The following OPA1 variants were observed in gnomAD, a reference collection of about 807,000 sequenced individuals.
OPA1 encodes the protein OPA1 mitochondrial dynamin like GTPase, also known as dynamin-like GTPase OPA1, mitochondrial.
Under a neutral mutation model 152.9 loss-of-function variants are expected in OPA1, and 59 were observed. The ratio of observed to expected loss-of-function variants is 0.39; its 90% CI spans 0.31 to 0.48. The LOEUF is 0.48. Ranked by LOEUF, OPA1 falls within the 20% of genes least tolerant of loss-of-function variation. The pLI, the probability that OPA1 is intolerant of heterozygous loss-of-function variation, is 0.96. For synonymous variants in OPA1, 400 were observed against 389.9 expected (o/e 1.03, Z -0.31); for missense variants, 1,008 against 1,216.8 (o/e 0.83, Z 2.55).
Position 193,631,606 on chromosome 3 carries a change from A to G in OPA1, c.790-6A>G. ...CTATTCAACTAAAATTATTTTAAACATTTAGGTGTCAGACAAAGAGAAAAT... is the reference window on the plus strand; with the variant it reads ...CTATTCAACTAAAATTATTTTAAACGTTTAGGTGTCAGACAAAGAGAAAAT... On this transcript the variant is annotated splice_polypyrimidine_tract_variant and splice_region_variant and intron_variant, in intron 7 of 30. Coordinates refer to ENST00000361510, the MANE Select transcript of OPA1 (RefSeq NM_130837.3). 6.2e-7 allele frequency: 1 copy of G among 1,602,442 alleles called. No individual in the cohort carries two copies. Among genetic ancestry groups the G allele is most frequent in the Non-Finnish European group, 8.5e-7 (1 of 1,169,618 alleles).
chr3:193,605,874 C>G (rs1370650142), intron 1 of OPA1, among the ~76,000 whole-genome samples: 2 of 152,156 alleles, frequency 1.3e-5, no homozygotes, highest in Non-Finnish European at 2.9e-5. Context: ...GACCTTTTTA[C>G]TCTAAGGGAT....
chr3:193,617,833 G>T lies in OPA1; in HGVS notation c.606G>T (p.Leu202Phe), dbSNP rs1179746742. The T allele has an allele frequency of 1.2e-6, 2 of 1,610,660 alleles. No homozygotes were observed. The highest frequency in any genetic ancestry group is 2.2e-5 in the South Asian group (2 of 90,994). The stretch of plus-strand genomic sequence containing the variant: ...TAGGAGCTTCTGACCTACTTCTCTT[G>T]TTAGGTGTGTAAACAGACATTTTTG... Reference protein sequence around the residue: ...EVIGASDLLLLLGSPEETAFR... With the variant: ...EVIGASDLLLFLGSPEETAFR... The change falls in exon 5 of 31, where the codon TTG becomes TTT. Residue 202 changes from leucine (L) to phenylalanine (F), a missense_variant. Transcript: ENST00000361510.
chr3:193,670,132 C>T (rs1401390345), intron 29 of OPA1, among the ~76,000 whole-genome samples: 2 of 152,092 alleles, frequency 1.3e-5, no homozygotes, highest in African/African-American at 4.8e-5. Context: ...ATGGATACTT[C>T]AGCCAGAAAA....
At chr3:193,635,059 T>G (rs536706206) in intron 8 of OPA1, among the ~76,000 whole-genome samples, 1 of 152,226 alleles carries the variant, frequency 6.6e-6, no homozygotes, top group Non-Finnish European at 1.5e-5. Context: ...GGCCCTGTAA[T>G]GTGAAGACTT....
intron 12 of OPA1, 31 bp from the exon 13 acceptor site, chr3:193,642,944 G>T: frequency 1.2e-6 from 2 of 1,601,300 alleles, no homozygotes; most frequent in Non-Finnish European, 1.7e-6. Context: ...GATTTTCTTA[G>T]ATTTTCTTAG....
At position 193,643,515 on chromosome 3, in the gene OPA1, C is replaced by A; in HGVS notation, c.1378-13C>A. ...AAGCATTTATAATGACATTTAAAAC[C>A]TTTTTCTTTAAGACTGTGACATCAG... is the stretch of plus-strand genomic sequence containing the variant. On this transcript the variant is annotated splice_polypyrimidine_tract_variant and intron_variant, in intron 14 of 30. Coordinates refer to ENST00000361510, the MANE Select transcript of OPA1 (RefSeq NM_130837.3). 6.2e-7 allele frequency: 1 copy of A among 1,612,304 alleles called. No individual in the cohort carries two copies. The highest frequency in any genetic ancestry group is 8.5e-7 in the Non-Finnish European group (1 of 1,178,670).
intron 1 of OPA1, among the ~76,000 whole-genome samples, chr3:193,598,587 G>C (rs1463605933): frequency 6.6e-6 from 1 of 152,208 alleles, no homozygotes; most frequent in East Asian, 1.9e-4. Flanking sequence ...AAACAGAAAA[G>C]TCAGAGGACG....
chr3:193,696,612 A>G lies in OPA1; in HGVS notation c.*2012A>G, dbSNP rs1722270705. 6.6e-6 allele frequency: 1 copy of G among 152,216 alleles called. No homozygotes were observed. Among genetic ancestry groups the G allele is most frequent in the Non-Finnish European group, 1.5e-5 (1 of 68,044 alleles). 9.4% of individuals were successfully genotyped at this position (152,216 alleles called of 1,614,324 possible). A position where few individuals can be genotyped will look rare whatever the true frequency, so the allele number is the denominator to read the frequency against. On this transcript the variant is annotated 3_prime_UTR_variant, in exon 31 of 31. Transcript: ENST00000361510. ...GCAGATGTTATTGAAAGAAAATAAA[A>G]TTCAGTCTCAAGAGTAAACCCTGTG... is the stretch of plus-strand genomic sequence containing the variant.
chr3:193,599,242 G>T (rs1726083965), intron 1 of OPA1, among the ~76,000 whole-genome samples: 1 of 151,838 alleles, frequency 6.6e-6, no homozygotes, highest in Admixed American at 6.6e-5. Flanking sequence ...GTTCCCCATT[G>T]CCTACGAAAA....
At chr3:193,631,519 T>G (rs1316192680) in intron 7 of OPA1, 93 bp from the exon 8 acceptor site, 1 of 867,982 alleles carries the variant, frequency 1.2e-6, no homozygotes, top group African/African-American at 1.7e-5. Flanking sequence ...AGTCAGTTGT[T>G]TTTAACTCTC....
chr3:193,654,287 G>A (rs576002822), intron 21 of OPA1, among the ~76,000 whole-genome samples: 1 of 152,234 alleles, frequency 6.6e-6, no homozygotes, highest in African/African-American at 2.4e-5. Context: ...CTTGAGCCCA[G>A]GAGTTCAAGA....
chr3:193,629,677 G>T (rs1039483592), intron 7 of OPA1, among the ~76,000 whole-genome samples: 2 of 150,854 alleles, frequency 1.3e-5, no homozygotes, highest in Non-Finnish European at 2.9e-5. Flanking sequence ...AAAGAAAAAA[G>T]AAATTATATT....
intron 29 of OPA1, chr3:193,668,714 C>G (rs1481809052): frequency 7.5e-7 from 1 of 1,328,466 alleles, no homozygotes. Flanking sequence ...GCATTAACAC[C>G]TGCAGTAGGC....
intron 7 of OPA1, among the ~76,000 whole-genome samples, chr3:193,630,150 C>T (rs1047560817): frequency 6.6e-6 from 1 of 152,122 alleles, no homozygotes; most frequent in African/African-American, 2.4e-5. Flanking sequence ...TTTGTGGGCT[C>T]CTCTCCAACT....
At chr3:193,633,156 G>A (rs1272836037) in intron 8 of OPA1, among the ~76,000 whole-genome samples, 1 of 152,096 alleles carries the variant, frequency 6.6e-6, no homozygotes, top group Non-Finnish European at 1.5e-5. Flanking sequence ...TGCAACCAGG[G>A]GTAAGAGTCA....
chr3:193,668,086 T>C (rs1464929241), intron 29 of OPA1, among the ~76,000 whole-genome samples: 4 of 152,234 alleles, frequency 2.6e-5, no homozygotes, highest in Non-Finnish European at 1.5e-5. Flanking sequence ...GACATCTGTA[T>C]TCCTAAATCA....
chr3:193,648,797 T>C lies in OPA1; in HGVS notation c.1938T>C (p.Asn646=). Residue 646 remains asparagine (N), a splice_region_variant and synonymous_variant, in exon 21 of 31, where the codon AAT becomes AAC. Coordinates refer to ENST00000361510, the MANE Select transcript of OPA1 (RefSeq NM_130837.3). ...NYPRLRELDR[N]ELFEKAKNEI... ...TTACTTGTATTTATATTGCCTAGAA[T>C]GAACTATTTGAAAAAGCTAAAAATG... The C allele has an allele frequency of 6.3e-7, 1 of 1,588,732 alleles. No individual in the cohort carries two copies. Among genetic ancestry groups the C allele is most frequent in the Non-Finnish European group, 8.6e-7 (1 of 1,157,406 alleles).
chr3:193,613,991 A>G (rs764543534), intron 1 of OPA1: 14 of 518,776 alleles, frequency 2.7e-5, no homozygotes, highest in Admixed American at 9.7e-5. Context: ...GCAAGCAACT[A>G]TGTATGCAAC....
At chr3:193,678,052 T>A (rs982414513) in intron 29 of OPA1, among the ~76,000 whole-genome samples, 3 of 152,232 alleles carry the variant, frequency 2.0e-5, no homozygotes, top group African/African-American at 7.2e-5. Flanking sequence ...TAAGATTGTT[T>A]CATTGTTACC....
Sources: allele counts gnomAD v4.1 joint callset (sites outside exome capture counted in the v4.1 genomes callset), GRCh38; gene constraint gnomAD v4.1.1; transcripts MANE v1.5; gene names NCBI Gene and HGNC (gene_info 2026-07-23, HGNC 2026-07-21).